Variants in LEKR1 observed in about 807,000 individuals in gnomAD.
LEKR1 encodes protein LEKR1.
Under a neutral mutation model 72.4 loss-of-function variants are expected in LEKR1, and 59 were observed. The observed-to-expected ratio is 0.82, with a 90% CI of 0.66 to 1.01. The LOEUF is 1.01. Among genes scored for constraint, LEKR1 ranks in the 50% least tolerant of loss-of-function variants. The pLI is 0.00. For missense variants in LEKR1, 728 were observed against 759.2 expected, an observed-to-expected ratio of 0.96 and a Z score of 0.48; for synonymous variants, 257 against 263.2, an observed-to-expected ratio of 0.98 and a Z score of 0.23.
intron 3 of LEKR1, among the ~76,000 whole-genome samples, chr3:156,869,831 T>C (rs576338330): frequency 2.0e-5 from 3 of 152,124 alleles, no homozygotes; most frequent in Non-Finnish European, 2.9e-5. Context: ...GGTAGTTTTA[T>C]AGTTTGGGGT....
chr3:156,998,134 T>C (rs1370580277), intron 9 of LEKR1, among the ~76,000 whole-genome samples: 1 of 151,762 alleles, frequency 6.6e-6, no homozygotes, highest in Non-Finnish European at 1.5e-5. Flanking sequence ...GCTCCCATCC[T>C]ACTGGGACAC....
intron 3 of LEKR1, among the ~76,000 whole-genome samples, chr3:156,895,594 G>A (rs1233560088): frequency 1.3e-5 from 2 of 151,944 alleles, no homozygotes; most frequent in African/African-American, 2.4e-5. Context: ...CTGGACGACA[G>A]AGGGAGACCT....
In LEKR1 at chr3:156,936,065, G is replaced by A. The variant is rs187030717; in HGVS notation, c.560-6464G>A. Among the ~76,000 whole-genome samples the A allele has an allele frequency of 1.8e-3, 276 of 152,248 alleles. 2 individuals carry two copies. Among genetic ancestry groups the A allele is most frequent in the Middle Eastern group, 3.4e-3 (1 of 294 alleles). On this transcript the variant is annotated intron_variant, in intron 5 of 12. Coordinates refer to ENST00000356539, the MANE Select transcript of LEKR1 (RefSeq NM_001004316.3). ...TCACTCTTAATCCTAACCTGTTAAT[G>A]TGTATTTCTAGTTGTCTTTATTATT...
intron 3 of LEKR1, among the ~76,000 whole-genome samples, chr3:156,888,668 G>C (rs779880119): frequency 1.1e-4 from 17 of 152,018 alleles, no homozygotes; most frequent in Non-Finnish European, 1.6e-4. Flanking sequence ...CTAACCTTTT[G>C]CGTTTAGCCT....
At chr3:156,864,039 G>T (rs1376662394) in intron 3 of LEKR1, among the ~76,000 whole-genome samples, 1 of 152,068 alleles carries the variant, frequency 6.6e-6, no homozygotes, top group Non-Finnish European at 1.5e-5. Flanking sequence ...AAGTGAAGAT[G>T]TAGTGAGATG....
In LEKR1 at chr3:157,025,878, T is replaced by C. The variant is rs191944750; in HGVS notation, c.1368+954T>C. On this transcript the variant is annotated intron_variant, in intron 11 of 12. Transcript: ENST00000356539. ...GTCTCTATTAAAAAAAAAAAAGACT[T>C]AATTAGCCTAGTGTGACGGTTCATA... Among the ~76,000 whole-genome samples the C allele has an allele frequency of 2.4e-3, 363 of 151,912 alleles. 2 individuals are homozygous for C. Among genetic ancestry groups the C allele is most frequent in the Non-Finnish European group, 3.5e-3 (237 of 67,916 alleles).
intron 12 of LEKR1, among the ~76,000 whole-genome samples, chr3:157,029,432 T>A (rs1734442387): frequency 6.6e-6 from 1 of 151,966 alleles, no homozygotes. Flanking sequence ...TTCCATAAGG[T>A]CAGACAGTTT....
chr3:156,894,702 C>G (rs1280407804), intron 3 of LEKR1, among the ~76,000 whole-genome samples: 1 of 152,168 alleles, frequency 6.6e-6, no homozygotes, highest in East Asian at 1.9e-4. Context: ...GATACATAAA[C>G]CAATAGAACA....
chr3:156,858,852 A>G (rs1261392377), intron 3 of LEKR1, among the ~76,000 whole-genome samples: 3 of 152,102 alleles, frequency 2.0e-5, no homozygotes, highest in Non-Finnish European at 4.4e-5. Context: ...CTTTTTGATA[A>G]TAGTATTTTA....
At chr3:156,877,568 G>A (rs1405449730) in intron 3 of LEKR1, among the ~76,000 whole-genome samples, 6 of 151,988 alleles carry the variant, frequency 3.9e-5, no homozygotes, top group African/African-American at 1.5e-4. Flanking sequence ...TTCCAGGAAT[G>A]TATCCATTTC....
intron 12 of LEKR1, among the ~76,000 whole-genome samples, chr3:157,035,953 A>G (rs1415578432): frequency 6.6e-6 from 1 of 152,188 alleles, no homozygotes; most frequent in Non-Finnish European, 1.5e-5. Flanking sequence ...GGATATTCCA[A>G]TGAAATGGCT....
At chr3:156,990,163 T>C (rs1731038087) in intron 7 of LEKR1, among the ~76,000 whole-genome samples, 1 of 152,176 alleles carries the variant, frequency 6.6e-6, no homozygotes, top group Admixed American at 6.6e-5. Context: ...CCTCACACTT[T>C]TTAAAAATAA....
At position 156,908,643 on chromosome 3, in the gene LEKR1, T is replaced by G. The variant is rs1722777173; in HGVS notation, c.264-11932T>G. Among the ~76,000 whole-genome samples, 2 of 152,228 alleles carry G rather than the reference T, an allele frequency of 1.3e-5. 1 individual carries two copies. The highest frequency in any genetic ancestry group is 4.1e-4 in the South Asian group (2 of 4,832). ...ATCACAAAATGTTCTAGGCTTATCT[T>G]GAAGTTTTCTTGCCTCAGCACTGGA... On this transcript the variant is annotated intron_variant, in intron 3 of 12. Transcript: ENST00000356539.
intron 6 of LEKR1, among the ~76,000 whole-genome samples, chr3:156,964,114 TC>T (rs1173121597): frequency 6.6e-6 from 1 of 152,198 alleles, no homozygotes; most frequent in Non-Finnish European, 1.5e-5. Context: ...TTTTTTGTTT[TC>T]CCTTACCAAA....
At chr3:156,990,706 T>A (rs979073607) in intron 7 of LEKR1, among the ~76,000 whole-genome samples, 1 of 152,206 alleles carries the variant, frequency 6.6e-6, no homozygotes, top group African/African-American at 2.4e-5. Flanking sequence ...TTGTTCTAGG[T>A]TTAGTAAGTA....
intron 3 of LEKR1, among the ~76,000 whole-genome samples, chr3:156,918,235 A>G (rs1187207345): frequency 6.6e-6 from 1 of 152,178 alleles, no homozygotes; most frequent in Non-Finnish European, 1.5e-5. Context: ...TATGTATAGG[A>G]GGGTCAATTC....
intron 3 of LEKR1, among the ~76,000 whole-genome samples, chr3:156,919,899 C>T (rs188288577): frequency 2.6e-5 from 4 of 152,202 alleles, no homozygotes; most frequent in East Asian, 1.9e-4. Context: ...AGTTTTCATT[C>T]ATTCATTATA....
chr3:156,831,595 C>A (rs1219560572), intron 2 of LEKR1, among the ~76,000 whole-genome samples: 1 of 152,178 alleles, frequency 6.6e-6, no homozygotes, highest in Non-Finnish European at 1.5e-5. Flanking sequence ...GGAGGCCTCA[C>A]AATCATGGCT....
intron 9 of LEKR1, among the ~76,000 whole-genome samples, chr3:156,996,549 A>G (rs994395256): frequency 1.3e-5 from 2 of 152,222 alleles, no homozygotes; most frequent in Admixed American, 6.5e-5. Context: ...CTGTAGAAAA[A>G]TCATTCTGGA....
Sources: gnomAD v4.1 joint callset for allele counts (sites outside exome capture counted in the v4.1 genomes callset) on GRCh38, gnomAD v4.1.1 for gene constraint, MANE v1.5 for transcripts, NCBI Gene and HGNC (gene_info 2026-07-23, HGNC 2026-07-21) for gene names.